ATF3: variants seen among roughly 807,000 people sequenced by gnomAD.
The protein encoded by ATF3 is activating transcription factor 3.
In ATF3, 10 loss-of-function variants were observed where a neutral mutation model predicts 18.4. That is an observed-to-expected ratio of 0.54 (90% confidence interval 0.34 to 0.92). The LOEUF (loss-of-function observed/expected upper bound fraction) is 0.92. Ranked by LOEUF, ATF3 falls within the 40% of genes least tolerant of loss-of-function variation. The probability of loss-of-function intolerance (pLI) is 0.02; values close to 1 mark genes in which losing one functional copy is unlikely to be tolerated. For synonymous variants in ATF3, 78 were observed against 87.9 expected (o/e 0.89, Z 0.63); for missense variants, 183 against 222.3 (o/e 0.82, Z 1.12).
intron 1 of ATF3, among the ~76,000 whole-genome samples, chr1:212,574,408 A>G (rs921428824): frequency 6.6e-6 from 1 of 152,036 alleles, no homozygotes; most frequent in Non-Finnish European, 1.5e-5. Context: ...AAGCTTATAT[A>G]ATTTTTGTTT....
At chr1:212,594,953 C>T (rs1208607182) in intron 1 of ATF3, among the ~76,000 whole-genome samples, 1 of 152,098 alleles carries the variant, frequency 6.6e-6, no homozygotes, top group Non-Finnish European at 1.5e-5. Flanking sequence ...ACAGCCATTC[C>T]GATTCTAAAG....
At chr1:212,570,489 A>G (rs576495091) in intron 1 of ATF3, among the ~76,000 whole-genome samples, 3 of 152,332 alleles carry the variant, frequency 2.0e-5, no homozygotes, top group African/African-American at 7.2e-5. Context: ...GCACATATCT[A>G]TGAGGATACG....
At chr1:212,577,194 G>C (rs1192452782) in intron 1 of ATF3, among the ~76,000 whole-genome samples, 1 of 152,036 alleles carries the variant, frequency 6.6e-6, no homozygotes, top group Admixed American at 6.6e-5. Flanking sequence ...TTATCTCCTA[G>C]AATCTATTGA....
chr1:212,597,440 T>TATCTATCTATC (rs1177458833), intron 1 of ATF3, among the ~76,000 whole-genome samples: 1 of 152,104 alleles, frequency 6.6e-6, no homozygotes, highest in Non-Finnish European at 1.5e-5. Flanking sequence ...TCTATCTATC[T>TATCTATCTATC]ATCTATCTAT....
At chr1:212,567,578 G>A (rs1279921473) in intron 1 of ATF3, among the ~76,000 whole-genome samples, 1 of 152,168 alleles carries the variant, frequency 6.6e-6, no homozygotes, top group Non-Finnish European at 1.5e-5. Flanking sequence ...GGAAAAAAAT[G>A]TCTTTATAGC....
At chr1:212,610,668 A>T (rs1435435585) in intron 1 of ATF3, among the ~76,000 whole-genome samples, 1 of 151,960 alleles carries the variant, frequency 6.6e-6, no homozygotes, top group African/African-American at 2.4e-5. Flanking sequence ...CTTTTTCTCC[A>T]TGGCCGTTTT....
At chr1:212,592,141 A>T (rs1332635183) in intron 1 of ATF3, among the ~76,000 whole-genome samples, 1 of 151,052 alleles carries the variant, frequency 6.6e-6, no homozygotes, top group African/African-American at 2.5e-5. Context: ...TACCCATTAA[A>T]CAATAACTCC....
intron 1 of ATF3, among the ~76,000 whole-genome samples, chr1:212,602,824 T>C (rs921805043): frequency 8.5e-5 from 13 of 152,240 alleles, no homozygotes; most frequent in African/African-American, 2.9e-4. Context: ...AATAAAACTT[T>C]TGGCAGCCGA....
upstream of ATF3, among the ~76,000 whole-genome samples, chr1:212,606,183 C>T (rs938786591): frequency 1.3e-5 from 2 of 152,198 alleles, no homozygotes; most frequent in Admixed American, 1.3e-4. Context: ...ATTCAGCAGG[C>T]ATTTCACGGT....
intron 1 of ATF3, among the ~76,000 whole-genome samples, chr1:212,614,327 C>CAACCTT (rs1363230020): frequency 3.9e-5 from 6 of 152,138 alleles, no homozygotes; most frequent in African/African-American, 1.4e-4. Flanking sequence ...TTTGCTTTGC[C>CAACCTT]AACCTTAACC....
upstream of ATF3, among the ~76,000 whole-genome samples, chr1:212,606,195 C>G (rs1654619403): frequency 6.6e-6 from 1 of 152,198 alleles, no homozygotes; most frequent in Non-Finnish European, 1.5e-5. Flanking sequence ...TTTCACGGTT[C>G]TCCTGGGGGC....
At chr1:212,575,234 T>C (rs961203946) in intron 1 of ATF3, among the ~76,000 whole-genome samples, 44 of 152,246 alleles carry the variant, frequency 2.9e-4, no homozygotes, top group Admixed American at 2.3e-3. Context: ...AATAATACTT[T>C]CATAGTTTTC....
chr1:212,617,285 C>T (rs999425679), intron 2 of ATF3, among the ~76,000 whole-genome samples: 29 of 152,334 alleles, frequency 1.9e-4, no homozygotes, highest in Middle Eastern at 3.4e-3. Flanking sequence ...CACTGTTCCA[C>T]GCTTGGCAAC....
At chr1:212,588,351 T>C (rs74138552) in intron 1 of ATF3, among the ~76,000 whole-genome samples, 3,874 of 151,908 alleles carry the variant, frequency 0.026, 176 homozygotes, top group African/African-American at 0.089. Flanking sequence ...GGCTCAAGAG[T>C]GAAGACAGGT....
intron 1 of ATF3, among the ~76,000 whole-genome samples, chr1:212,570,460 A>G (rs1664460889): frequency 6.6e-6 from 1 of 152,214 alleles, no homozygotes; most frequent in South Asian, 2.1e-4. Context: ...AAAGGGTATG[A>G]CTTTTTCAGG....
intron 1 of ATF3, among the ~76,000 whole-genome samples, chr1:212,566,159 T>C (rs1664378407): frequency 6.6e-6 from 1 of 152,218 alleles, no homozygotes; most frequent in Non-Finnish European, 1.5e-5. Flanking sequence ...CAGCTGGTTC[T>C]GCCAAGTAAA....
intron 1 of ATF3, among the ~76,000 whole-genome samples, chr1:212,582,147 A>G (rs1164280425): frequency 6.6e-6 from 1 of 152,240 alleles, no homozygotes; most frequent in East Asian, 1.9e-4. Flanking sequence ...TTTTTAGTGT[A>G]CTATATCCCA....
chr1:212,608,596 C>CCCCGCCTTGGCCCCTCCTCCA (rs1254617345), upstream of ATF3: 14 of 152,866 alleles, frequency 9.2e-5, 1 homozygote, highest in Admixed American at 7.8e-4. Flanking sequence ...CCGCCTTCGG[C>CCCCGCCTTGGCCCCTCCTCCA]CCCGCCTTGG....
intron 1 of ATF3, among the ~76,000 whole-genome samples, chr1:212,603,750 G>T (rs1274479759): frequency 6.8e-6 from 1 of 146,794 alleles, no homozygotes; most frequent in East Asian, 2.0e-4. Context: ...TAATGTGTTT[G>T]ATTATTAAAA....
Sources: gnomAD v4.1 joint callset for allele counts (sites outside exome capture counted in the v4.1 genomes callset) on GRCh38, gnomAD v4.1.1 for gene constraint, MANE v1.5 for transcripts, NCBI Gene and HGNC (gene_info 2026-07-23, HGNC 2026-07-21) for gene names.